Variants in KCNQ1 observed in about 807,000 individuals in gnomAD.
KCNQ1 encodes the protein potassium voltage-gated channel subfamily Q member 1, also known as potassium voltage-gated channel subfamily KQT member 1.
A neutral mutation model predicts 72.4 loss-of-function variants in KCNQ1; 49 were observed. The ratio of observed to expected loss-of-function variants is 0.68; its 90% CI spans 0.54 to 0.86. The LOEUF (loss-of-function observed/expected upper bound fraction) is 0.86. Among genes scored for constraint, KCNQ1 ranks in the 40% least tolerant of loss-of-function variants. The pLI is 0.00. For synonymous variants in KCNQ1, 450 were observed against 412.6 expected, an observed-to-expected ratio of 1.09 and a Z score of -1.10; for missense variants, 790 against 945.1, an observed-to-expected ratio of 0.84 and a Z score of 2.15.
At chr11:2,524,560 A>T (rs1438023300) in intron 1 of KCNQ1, among the ~76,000 whole-genome samples, 1 of 152,220 alleles carries the variant, frequency 6.6e-6, no homozygotes, top group Non-Finnish European at 1.5e-5. Context: ...AGTGGCCTGC[A>T]GTCCCCAGGA....
intron 1 of KCNQ1, among the ~76,000 whole-genome samples, chr11:2,511,221 C>T (rs989535256): frequency 6.6e-6 from 1 of 152,082 alleles, no homozygotes; most frequent in African/African-American, 2.4e-5. Flanking sequence ...GTGACTGTCA[C>T]GGAAAAGGAG....
chr11:2,639,222 T>A (rs1319215618), intron 10 of KCNQ1: 1 of 152,232 alleles, frequency 6.6e-6, no homozygotes, highest in Admixed American at 6.5e-5. Flanking sequence ...CTTGTCAAAG[T>A]CATTCTCCGT....
rs1236579408 is a variant in KCNQ1 at position 2,678,182 on chromosome 11, A to G, written c.1514+16101A>G. 3 of 398,230 alleles carry G rather than the reference A, an allele frequency of 7.5e-6. No individual in the cohort carries two copies. Among genetic ancestry groups the G allele is most frequent in the African/African-American group, 2.1e-5 (1 of 48,616 alleles). 24.7% of individuals were successfully genotyped at this position (398,230 alleles called of 1,614,324 possible). ...TTTTCTATAATATTTTTCTGGTGGC[A>G]GAATTTTTTTAATTTCACATAGTCA... On this transcript the variant is annotated intron_variant, in intron 11 of 15. Coordinates refer to ENST00000155840, the MANE Select transcript of KCNQ1 (RefSeq NM_000218.3). This position sits in a 1 kb window ranked among gnomAD's most constrained non-coding sequence, Gnocchi z 4.9.
chr11:2,452,875 G>A (rs1046164072), intron 1 of KCNQ1, among the ~76,000 whole-genome samples: 7 of 152,160 alleles, frequency 4.6e-5, no homozygotes, highest in Non-Finnish European at 8.8e-5. Context: ...TGCGTGCTGC[G>A]GGGTGGGTGG....
chr11:2,736,494 A>G (rs528802423), intron 11 of KCNQ1, among the ~76,000 whole-genome samples: 94 of 152,248 alleles, frequency 6.2e-4, no homozygotes, highest in Middle Eastern at 6.8e-3. Flanking sequence ...CCTGGAGAGA[A>G]GGTGCACTTT....
rs992444387 is a variant in KCNQ1, at chr11:2,687,453, C to A, written c.1514+25372C>A. ...AGCTGTCCATACAGATCCCTGCCTG[C>A]ACAAGAGCTGCTGCAGCATTTCAAT... is the stretch of plus-strand genomic sequence containing the variant. On this transcript the variant is annotated intron_variant, in intron 11 of 15. Transcript: ENST00000155840. The surrounding 1 kb of genome is among the most constrained non-coding windows in gnomAD (Gnocchi z 5.0). 7.8e-5 allele frequency: 31 copies of A among 398,676 alleles called. No homozygotes were observed. The highest frequency in any genetic ancestry group is 1.1e-4 in the Non-Finnish European group (25 of 226,246). The allele number at this position is 398,676 out of a possible 1,614,324, so 24.7% of individuals were successfully genotyped here.
At position 2,847,618 on chromosome 11, in the gene KCNQ1, T is replaced by C. The variant is rs190143769; in HGVS notation, c.1795-149T>C. On this transcript the variant is annotated intron_variant, in intron 15 of 15. Coordinates refer to ENST00000155840, the MANE Select transcript of KCNQ1 (RefSeq NM_000218.3). ...GACCGAGGGCCTTGCAGACATAGGG[T>C]GCACACGTGCGTGCCGCCTGCATAC... 347 of 708,010 alleles carry C rather than the reference T, an allele frequency of 4.9e-4. 1 individual carries two copies. In the East Asian group the frequency reaches 8.0e-3, roughly 16 times the overall value. 43.9% of individuals were successfully genotyped at this position (708,010 alleles called of 1,614,324 possible).
intron 2 of KCNQ1, among the ~76,000 whole-genome samples, chr11:2,531,398 G>A (rs1236481416): frequency 6.6e-6 from 1 of 152,144 alleles, no homozygotes; most frequent in African/African-American, 2.4e-5. Flanking sequence ...GGGGACAGGG[G>A]CATGGAGCAG....
At position 2,598,064 on chromosome 11, in the gene KCNQ1, GC is replaced by G. The variant is rs1848755907; in HGVS notation, c.1393+9211del. Among the ~76,000 whole-genome samples the G allele has an allele frequency of 6.6e-6, 1 of 151,942 alleles. No individual in the cohort carries two copies. The highest frequency in any genetic ancestry group is 2.4e-5 in the African/African-American group (1 of 41,468). ...TTTGTTATCTATTTCATTAATCTAA[GC>G]TTTTATAGCTATTAATTCCCTTTTC... On this transcript the variant is annotated intron_variant, in intron 10 of 15. Coordinates refer to ENST00000155840, the MANE Select transcript of KCNQ1 (RefSeq NM_000218.3). The surrounding 1 kb of genome is among the most constrained non-coding windows in gnomAD (Gnocchi z 6.2).
chr11:2,736,298 C>T (rs372873595), intron 11 of KCNQ1, among the ~76,000 whole-genome samples: 3 of 152,178 alleles, frequency 2.0e-5, no homozygotes, highest in Admixed American at 6.5e-5. Flanking sequence ...TAAAGGCGAC[C>T]GAGCTTGGGC....
rs1003475322 is a variant in KCNQ1, at chr11:2,451,655, C to T, written c.386+6171C>T. Among the ~76,000 whole-genome samples the T allele has an allele frequency of 2.6e-5, 4 of 152,144 alleles. No individual in the cohort carries two copies. Among genetic ancestry groups the T allele is most frequent in the Admixed American group, 6.5e-5 (1 of 15,282 alleles). On this transcript the variant is annotated intron_variant, in intron 1 of 15. Transcript: ENST00000155840. The surrounding 1 kb of genome is among the most constrained non-coding windows in gnomAD (Gnocchi z 6.4). ...TGGAGTCTGTTGGCATCTGCCTGGCCGCCTCTGGCAGGAACTTCTCCTGAT... is the reference window on the plus strand; with the variant it reads ...TGGAGTCTGTTGGCATCTGCCTGGCTGCCTCTGGCAGGAACTTCTCCTGAT...
intron 2 of KCNQ1, among the ~76,000 whole-genome samples, chr11:2,534,508 C>T (rs1287787763): frequency 1.3e-5 from 2 of 152,242 alleles, no homozygotes; most frequent in African/African-American, 4.8e-5. Flanking sequence ...GTCTTCCTCC[C>T]TGCCTGCCTC....
At position 2,543,300 on chromosome 11, in the gene KCNQ1, G is replaced by A. The variant is rs1332545037; in HGVS notation, c.477+15282G>A. 3.3e-5 allele frequency among the ~76,000 whole-genome samples: 5 copies of A among 151,970 alleles called. No individual in the cohort carries two copies. Among genetic ancestry groups the A allele is most frequent in the African/African-American group, 1.2e-4 (5 of 41,460 alleles). On this transcript the variant is annotated intron_variant, in intron 2 of 15. Coordinates refer to ENST00000155840, the MANE Select transcript of KCNQ1 (RefSeq NM_000218.3). This position sits in a 1 kb window ranked among gnomAD's most constrained non-coding sequence, Gnocchi z 5.6. Reference sequence around the variant, plus strand: ...TATCTTTTTTTTTTGTTTGAGACTGGGTCATGCACTGTGCTCAGGCTGGAG... The same window carrying A: ...TATCTTTTTTTTTTGTTTGAGACTGAGTCATGCACTGTGCTCAGGCTGGAG...
chr11:2,716,181 G>A (rs1301786757), intron 11 of KCNQ1, among the ~76,000 whole-genome samples: 2 of 152,158 alleles, frequency 1.3e-5, no homozygotes, highest in Admixed American at 1.3e-4. Context: ...TTCACTTTTG[G>A]AGGGGTCGTG....
At position 2,669,320 on chromosome 11, in the gene KCNQ1, C is replaced by T. The variant is rs528472192; in HGVS notation, c.1514+7239C>T. The T allele has an allele frequency of 2.8e-5, 11 of 398,644 alleles. No homozygotes were observed. Among genetic ancestry groups the T allele is most frequent in the African/African-American group, 2.3e-4 (11 of 48,752 alleles). 24.7% of individuals were successfully genotyped at this position (398,644 alleles called of 1,614,324 possible). On this transcript the variant is annotated intron_variant, in intron 11 of 15. Transcript: ENST00000155840. The surrounding 1 kb of genome is among the most constrained non-coding windows in gnomAD (Gnocchi z 5.6). The stretch of plus-strand genomic sequence containing the variant: ...TACATATGCCAGTTGCCATGGAAAG[C>T]CTCCTCTAGGCGCAGCAGCCTCTAG...
In KCNQ1 at chr11:2,759,118, T is replaced by G. The variant is rs370990504; in HGVS notation, c.1515-9726T>G. On this transcript the variant is annotated intron_variant, in intron 11 of 15. Transcript: ENST00000155840. This position sits in a 1 kb window ranked among gnomAD's most constrained non-coding sequence, Gnocchi z 4.4. ...ACAGGACCTCTTGGTACTTTTTTTT[T>G]TTTTCCCAACTTCCTAGGAGTCTAT... Among the ~76,000 whole-genome samples the G allele has an allele frequency of 7.4e-3, 517 of 69,894 alleles. 3 individuals carry two copies. Among genetic ancestry groups the G allele is most frequent in the African/African-American group, 0.038 (491 of 13,028 alleles). The allele number at this position is 69,894 out of a possible 152,430, so 45.9% of individuals were successfully genotyped here. A position where few individuals can be genotyped will look rare whatever the true frequency, so the allele number is the denominator to read the frequency against.
At chr11:2,633,150 A>C in intron 10 of KCNQ1, 1 of 398,420 alleles carries the variant, frequency 2.5e-6, no homozygotes. Flanking sequence ...TTTGACTTGC[A>C]TTTCTGTGAT....
In KCNQ1 at chr11:2,839,490, G is replaced by A. The variant is rs535283956; in HGVS notation, c.1795-8277G>A. ...GAGGTGGCTGCGTGTCCAGGAGCAC[G>A]GGGCCATGTGGCACCGGCTCATGTC... is the stretch of plus-strand genomic sequence containing the variant. On this transcript the variant is annotated intron_variant, in intron 15 of 15. Coordinates refer to ENST00000155840, the MANE Select transcript of KCNQ1 (RefSeq NM_000218.3). Among the ~76,000 whole-genome samples the A allele has an allele frequency of 3.1e-4, 47 of 152,344 alleles. No homozygotes were observed. The South Asian group carries it at 8.1e-3, about 26-fold the overall frequency.
At chr11:2,514,642 CTG>C (rs1319973624) in intron 1 of KCNQ1, among the ~76,000 whole-genome samples, 1 of 152,216 alleles carries the variant, frequency 6.6e-6, no homozygotes, top group Non-Finnish European at 1.5e-5. Context: ...CTGGCTAACA[CTG>C]TGAAACCCCA....
Sources: gnomAD v4.1 joint callset for allele counts (sites outside exome capture counted in the v4.1 genomes callset) on GRCh38, gnomAD v4.1.1 for gene constraint, Gnocchi (gnomAD v3.1) non-coding constraint, MANE v1.5 for transcripts, NCBI Gene and HGNC (gene_info 2026-07-23, HGNC 2026-07-21) for gene names.